The following GALNT1 variants were observed in gnomAD, a reference collection of about 807,000 sequenced individuals.
GALNT1 encodes the protein GalNAc transferase 1.
Under a neutral mutation model 65.7 loss-of-function variants are expected in GALNT1, and 17 were observed. The observed-to-expected ratio is 0.26, with a 90% CI of 0.18 to 0.39. GALNT1 has a LOEUF of 0.39. Among genes scored for constraint, GALNT1 ranks in the 10% least tolerant of loss-of-function variants. The probability of loss-of-function intolerance (pLI) is 1.00; values close to 1 mark genes in which losing one functional copy is unlikely to be tolerated. For missense variants in GALNT1, 460 were observed against 672.8 expected (o/e 0.68, Z 3.50); for synonymous variants, 210 against 219.7 (o/e 0.96, Z 0.39).
intron 1 of GALNT1, among the ~76,000 whole-genome samples, chr18:35,606,821 TTGTGTGTGTGTGTGTGTGTGTG>T (rs10526510): frequency 4.5e-4 from 61 of 135,674 alleles, no homozygotes; most frequent in Admixed American, 2.8e-3. Context: ...TGTTGATGTT[TTGTGTGTGTGTGTGTGTGTGTG>T]TGTGTGTGTG....
intron 5 of GALNT1, among the ~76,000 whole-genome samples, chr18:35,685,139 A>C (rs1016475388): frequency 1.7e-4 from 26 of 152,146 alleles, no homozygotes; most frequent in Admixed American, 1.7e-3. Context: ...AAAGTACTAC[A>C]AGGAAAATTA....
chr18:35,645,139 A>T (rs1297209962), intron 1 of GALNT1, among the ~76,000 whole-genome samples: 1 of 149,130 alleles, frequency 6.7e-6, no homozygotes, highest in Non-Finnish European at 1.5e-5. Flanking sequence ...TTAGTTAGTT[A>T]TTCTTTTGTA....
chr18:35,628,788 G>A (rs902138698), intron 1 of GALNT1, among the ~76,000 whole-genome samples: 10 of 152,254 alleles, frequency 6.6e-5, no homozygotes, highest in East Asian at 1.9e-4. Flanking sequence ...GAGGAAGTTC[G>A]AACCCAACGC....
chr18:35,695,608 C>T (rs1207606458), intron 9 of GALNT1, among the ~76,000 whole-genome samples: 1 of 152,192 alleles, frequency 6.6e-6, no homozygotes, highest in Non-Finnish European at 1.5e-5. Context: ...AGGGCAGGCA[C>T]AGACTTACGC....
chr18:35,652,571 G>A (rs2047325245), intron 1 of GALNT1, among the ~76,000 whole-genome samples: 1 of 152,150 alleles, frequency 6.6e-6, no homozygotes, highest in African/African-American at 2.4e-5. Flanking sequence ...TCGACATGAG[G>A]CCCCTCACAT....
At position 35,663,684 on chromosome 18, in the gene GALNT1, G is replaced by A. The variant is rs1205136450; in HGVS notation, c.196G>A (p.Val66Ile). 19 of 1,613,850 alleles carry A rather than the reference G, an allele frequency of 1.2e-5. No homozygotes were observed. The highest frequency in any genetic ancestry group is 6.7e-5 in the East Asian group (3 of 44,874). ...EGPGEMGKPVVIPKEDQEKMK... is the reference protein window; with the variant it reads ...EGPGEMGKPVIIPKEDQEKMK... ...TCCTGGAGAAATGGGGAAACCAGTC[G>A]TCATTCCTAAAGAGGATCAAGAAAA... Residue 66 changes from valine (V) to isoleucine (I), a missense_variant, in exon 3 of 12, where the codon GTC becomes ATC. Coordinates refer to ENST00000269195, the MANE Select transcript of GALNT1 (RefSeq NM_020474.4).
chr18:35,682,744 C>T (rs2047804248), intron 4 of GALNT1, among the ~76,000 whole-genome samples: 1 of 151,884 alleles, frequency 6.6e-6, no homozygotes, highest in Admixed American at 6.6e-5. Flanking sequence ...CATACTCTCC[C>T]TTTCCCCTTT....
In GALNT1 at chr18:35,604,386, C is replaced by T. The variant is rs551234685; in HGVS notation, c.-104+22524C>T. ...TGAGTAGTGCTGCGATAAACATACA[C>T]GTGCATGTGTCTTTATGGTAGAATG... On this transcript the variant is annotated intron_variant, in intron 1 of 11. Transcript: ENST00000269195. Among the ~76,000 whole-genome samples the T allele has an allele frequency of 2.0e-4, 31 of 152,214 alleles. No individual in the cohort carries two copies. The South Asian group carries it at 3.7e-3, about 18-fold the overall frequency.
rs1200502420 is a variant in GALNT1 at position 35,683,382 on chromosome 18, A to AT, written c.482-5dup. The AT allele has an allele frequency of 6.2e-7, 1 of 1,609,618 alleles. No homozygotes were observed. Among genetic ancestry groups the AT allele is most frequent in the African/African-American group, 1.3e-5 (1 of 74,828 alleles). Reference sequence around the variant, plus strand: ...CTGGTTTGCATGTTTTCTTTTGTTCATTTTCCAGACTTTTTGAAAAGGCCT... The same window carrying AT: ...CTGGTTTGCATGTTTTCTTTTGTTCATTTTTCCAGACTTTTTGAAAAGGCCT... On this transcript the variant is annotated splice_polypyrimidine_tract_variant and intron_variant, in intron 4 of 11. Coordinates refer to ENST00000269195, the MANE Select transcript of GALNT1 (RefSeq NM_020474.4).
intron 1 of GALNT1, among the ~76,000 whole-genome samples, chr18:35,600,745 A>C (rs1349395587): frequency 6.6e-6 from 1 of 152,036 alleles, no homozygotes; most frequent in Non-Finnish European, 1.5e-5. Context: ...AAGTTTATTG[A>C]CTTGCATATT....
chr18:35,676,125 G>A (rs1233626900), intron 3 of GALNT1, among the ~76,000 whole-genome samples: 1 of 152,178 alleles, frequency 6.6e-6, no homozygotes, highest in Non-Finnish European at 1.5e-5. Context: ...GGAGGGAGCT[G>A]CAGACAGGGT....
intron 3 of GALNT1, among the ~76,000 whole-genome samples, chr18:35,667,076 G>A (rs957889116): frequency 6.6e-6 from 1 of 152,044 alleles, no homozygotes; most frequent in Non-Finnish European, 1.5e-5. Flanking sequence ...TTTGTCTTAC[G>A]AATTCTTATA....
chr18:35,602,788 A>G (rs2046597906), intron 1 of GALNT1, among the ~76,000 whole-genome samples: 2 of 152,152 alleles, frequency 1.3e-5, no homozygotes, highest in Admixed American at 6.5e-5. Context: ...CTGATTTCCC[A>G]TAGAATTGTT....
At chr18:35,626,287 C>T (rs2046915914) in intron 1 of GALNT1, among the ~76,000 whole-genome samples, 1 of 152,132 alleles carries the variant, frequency 6.6e-6, no homozygotes, top group South Asian at 2.1e-4. Context: ...GTGCATCAGA[C>T]TGCTTAGTGT....
chr18:35,601,516 A>ATTATT (rs2046582420), intron 1 of GALNT1, among the ~76,000 whole-genome samples: 2 of 151,108 alleles, frequency 1.3e-5, no homozygotes, highest in African/African-American at 4.9e-5. Flanking sequence ...TTACTTGAGG[A>ATTATT]GTATTGTTAG....
chr18:35,610,934 C>T (rs1490152441), intron 1 of GALNT1, among the ~76,000 whole-genome samples: 2 of 152,060 alleles, frequency 1.3e-5, no homozygotes, highest in Non-Finnish European at 2.9e-5. Context: ...GCCTCTGGAC[C>T]TCAGCCACAT....
At chr18:35,697,121 G>A (rs1379310984) in intron 9 of GALNT1, among the ~76,000 whole-genome samples, 1 of 152,098 alleles carries the variant, frequency 6.6e-6, no homozygotes, top group African/African-American at 2.4e-5. Context: ...AGAGTTGCTG[G>A]GTCTGTGGAT....
At chr18:35,600,235 T>C (rs946816321) in intron 1 of GALNT1, among the ~76,000 whole-genome samples, 2 of 152,196 alleles carry the variant, frequency 1.3e-5, no homozygotes, top group African/African-American at 4.8e-5. Flanking sequence ...AGATCATTCC[T>C]TTCTTTGTTT....
intron 1 of GALNT1, among the ~76,000 whole-genome samples, chr18:35,600,311 TTC>T (rs1168648315): frequency 6.6e-6 from 1 of 152,168 alleles, no homozygotes; most frequent in African/African-American, 2.4e-5. Context: ...CTTTCTTAAT[TTC>T]TTTTTCGTTT....
Sources: allele counts gnomAD v4.1 joint callset (sites outside exome capture counted in the v4.1 genomes callset), GRCh38; gene constraint gnomAD v4.1.1; transcripts MANE v1.5; gene names NCBI Gene and HGNC (gene_info 2026-07-23, HGNC 2026-07-21).